SETBP1: variants seen among roughly 807,000 people sequenced by gnomAD.
SETBP1 encodes SET-binding protein.
A neutral mutation model predicts 101.0 loss-of-function variants in SETBP1; 9 were observed. The observed-to-expected ratio is 0.09, with a 90% CI of 0.05 to 0.16. SETBP1 has a LOEUF of 0.16. Among genes scored for constraint, SETBP1 ranks in the 10% least tolerant of loss-of-function variants. SETBP1 has a pLI of 1.00. For synonymous variants in SETBP1, 818 were observed against 788.5 expected (o/e 1.04, Z -0.63); for missense variants, 1,858 against 2,033.8 (o/e 0.91, Z 1.66).
intron 5 of SETBP1, among the ~76,000 whole-genome samples, chr18:45,059,019 T>C (rs1171644514): frequency 6.6e-6 from 1 of 152,246 alleles, no homozygotes; most frequent in Non-Finnish European, 1.5e-5. Flanking sequence ...ATTAGAGCAC[T>C]GTCCAGCCCT....
intron 4 of SETBP1, chr18:44,986,896 T>TTAGTATAGTATAGTATAGTATAGTA (rs1167515033): frequency 2.8e-5 from 4 of 143,710 alleles, no homozygotes; most frequent in Non-Finnish European, 6.1e-5. Context: ...ATAACAATAG[T>TTAGTATAGTATAGTATAGTATAGTA]TAGTATAGTA....
chr18:44,802,648 A>C (rs2071630824), intron 2 of SETBP1, among the ~76,000 whole-genome samples: 1 of 152,150 alleles, frequency 6.6e-6, no homozygotes, highest in African/African-American at 2.4e-5. Context: ...TGCACACATC[A>C]TAACTGAATC....
chr18:44,907,827 G>A (rs1319048011), intron 3 of SETBP1, among the ~76,000 whole-genome samples: 8 of 152,028 alleles, frequency 5.3e-5, no homozygotes, highest in Non-Finnish European at 7.4e-5. Context: ...AGTGACCTTC[G>A]AAGCATAACT....
intron 4 of SETBP1, among the ~76,000 whole-genome samples, chr18:44,983,630 G>T (rs1177296340): frequency 1.3e-5 from 2 of 152,076 alleles, no homozygotes; most frequent in Non-Finnish European, 2.9e-5. Flanking sequence ...TATTTTTCTT[G>T]CTGAGTAACA....
chr18:44,896,288 G>A (rs747948046), intron 3 of SETBP1, among the ~76,000 whole-genome samples: 9 of 152,230 alleles, frequency 5.9e-5, no homozygotes, highest in East Asian at 3.9e-4. Context: ...ATTCTGTCTC[G>A]TCTTAAATTT....
intron 4 of SETBP1, among the ~76,000 whole-genome samples, chr18:45,003,885 G>T (rs1285381360): frequency 6.6e-6 from 1 of 152,156 alleles, no homozygotes; most frequent in African/African-American, 2.4e-5. Flanking sequence ...CCTTTCGTAA[G>T]ATAGTATCCC....
intron 3 of SETBP1, among the ~76,000 whole-genome samples, chr18:44,904,370 C>A (rs543661493): frequency 2.4e-4 from 36 of 152,222 alleles, no homozygotes; most frequent in African/African-American, 8.4e-4. Flanking sequence ...GTTTCATGGG[C>A]ATATGTCACC....
chr18:44,771,447 T>C (rs2070870287), intron 2 of SETBP1, among the ~76,000 whole-genome samples: 1 of 151,738 alleles, frequency 6.6e-6, no homozygotes, highest in African/African-American at 2.4e-5. Flanking sequence ...ACAATGAGAA[T>C]AGGCAGAGAG....
chr18:44,769,580 G>C (rs773992588), intron 2 of SETBP1, among the ~76,000 whole-genome samples: 35 of 152,190 alleles, frequency 2.3e-4, no homozygotes, highest in Admixed American at 5.9e-4. Flanking sequence ...GTGCATTTCA[G>C]GGTCCAGAAG....
intron 2 of SETBP1, among the ~76,000 whole-genome samples, chr18:44,708,707 C>G (rs1481349357): frequency 5.3e-5 from 8 of 151,060 alleles, no homozygotes; most frequent in African/African-American, 2.0e-4. Flanking sequence ...CATACTTTAC[C>G]TCCCTGCTTC....
intron 2 of SETBP1, among the ~76,000 whole-genome samples, chr18:44,855,298 TTTTTTG>T (rs1398506324): frequency 6.6e-6 from 1 of 152,136 alleles, no homozygotes; most frequent in Non-Finnish European, 1.5e-5. Context: ...TATTTGTTTG[TTTTTTG>T]TTTTTGTTTT....
chr18:44,977,175 T>C (rs1257155329), intron 4 of SETBP1, among the ~76,000 whole-genome samples: 1 of 152,196 alleles, frequency 6.6e-6, no homozygotes, highest in Non-Finnish European at 1.5e-5. Context: ...ACTCACCAGA[T>C]GTGTTCTTTC....
At chr18:44,791,434 A>G (rs1160647462) in intron 2 of SETBP1, among the ~76,000 whole-genome samples, 2 of 152,150 alleles carry the variant, frequency 1.3e-5, no homozygotes, top group Non-Finnish European at 1.5e-5. Context: ...ACATATATAC[A>G]TGCACACCCA....
intron 4 of SETBP1, among the ~76,000 whole-genome samples, chr18:45,010,063 A>G (rs2072807074): frequency 6.6e-6 from 1 of 152,194 alleles, no homozygotes; most frequent in African/African-American, 2.4e-5. Flanking sequence ...CCTGAGTTAT[A>G]AAAGCATCTC....
chr18:45,024,239 C>A (rs2145430376), intron 4 of SETBP1, among the ~76,000 whole-genome samples: 1 of 152,210 alleles, frequency 6.6e-6, no homozygotes, highest in South Asian at 2.1e-4. Flanking sequence ...ATTTGGAAGG[C>A]TGAGAAATGG....
chr18:44,697,128 C>T (rs1021637372), intron 1 of SETBP1: 1 of 152,254 alleles, frequency 6.6e-6, no homozygotes, highest in Non-Finnish European at 1.5e-5. Flanking sequence ...CAAGGCAAAA[C>T]ATTTTTACCT....
At chr18:44,698,335 C>G (rs2069054551) in intron 1 of SETBP1, among the ~76,000 whole-genome samples, 1 of 152,214 alleles carries the variant, frequency 6.6e-6, no homozygotes, top group Non-Finnish European at 1.5e-5. Context: ...TCCTTCTCCA[C>G]TGCCATTCCT....
Position 45,020,258 on chromosome 18 carries a change from T to TAAA in SETBP1, c.4001-18192_4001-18190dup, listed in dbSNP as rs57134217. On this transcript the variant is annotated intron_variant, in intron 4 of 5. Coordinates refer to ENST00000649279, the MANE Select transcript of SETBP1 (RefSeq NM_015559.3). Reference sequence around the variant, plus strand: ...CTGGTGACAGAGCAAGACTCTGTCTTAAAAAAAAAAAAAAAAAAAAAAAAA... The same window carrying TAAA: ...CTGGTGACAGAGCAAGACTCTGTCTTAAAAAAAAAAAAAAAAAAAAAAAAAAAA... Among the ~76,000 whole-genome samples the TAAA allele has an allele frequency of 3.8e-4, 20 of 53,086 alleles. 2 individuals are homozygous for TAAA. The highest frequency in any genetic ancestry group is 5.1e-4 in the East Asian group (1 of 1,972). 34.8% of individuals were successfully genotyped at this position (53,086 alleles called of 152,430 possible). A position where few individuals can be genotyped will look rare whatever the true frequency, so the allele number is the denominator to read the frequency against.
intron 2 of SETBP1, among the ~76,000 whole-genome samples, chr18:44,729,206 T>C (rs898696139): frequency 6.6e-6 from 1 of 152,184 alleles, no homozygotes; most frequent in Admixed American, 6.5e-5. Flanking sequence ...GGTTGAACAT[T>C]ATCCCCAAAA....
Sources: allele counts gnomAD v4.1 joint callset (sites outside exome capture counted in the v4.1 genomes callset), GRCh38; gene constraint gnomAD v4.1.1; transcripts MANE v1.5; gene names NCBI Gene and HGNC (gene_info 2026-07-23, HGNC 2026-07-21).